The following SLC6A18 variants were observed in gnomAD, a reference collection of about 807,000 sequenced individuals.
The protein encoded by SLC6A18 is solute carrier family 6 member 18, also known as inactive sodium-dependent neutral amino acid transporter B(0)AT3.
Under a neutral mutation model 62.9 loss-of-function variants are expected in SLC6A18, and 58 were observed. That is an observed-to-expected ratio of 0.92 (90% CI 0.75 to 1.15). SLC6A18 has a LOEUF of 1.15. SLC6A18 is among the 50% of genes most tolerant of loss of function. The pLI is 0.00. For synonymous variants in SLC6A18, 382 were observed against 365.8 expected (o/e 1.04, Z -0.51); for missense variants, 793 against 836.6 (o/e 0.95, Z 0.64).
chr5:1,245,868 G>A lies in SLC6A18; in HGVS notation c.1677G>A (p.Gln559=), dbSNP rs1242901504. 6.2e-7 allele frequency: 1 copy of A among 1,607,790 alleles called. No individual in the cohort carries two copies. Among genetic ancestry groups the A allele is most frequent in the Non-Finnish European group, 8.5e-7 (1 of 1,178,446 alleles). The change falls in exon 12 of 12, where the codon CAG becomes CAA. Residue 559 remains glutamine (Q), a synonymous_variant. Coordinates refer to ENST00000324642, the MANE Select transcript of SLC6A18 (RefSeq NM_182632.3). The stretch of plus-strand genomic sequence containing the variant: ...CGCAGGAGCTGTTCCCCTCGCGTCA[G>A]GAGAAGCTCTACCCGGGCTGGGCGC... ...NPKYELFPSR[Q]EKLYPGWARA...
intron 1 of SLC6A18, among the ~76,000 whole-genome samples, chr5:1,227,255 A>G (rs1746609045): frequency 1.3e-5 from 2 of 152,192 alleles, no homozygotes; most frequent in South Asian, 4.2e-4. Flanking sequence ...GCCTCCCTTA[A>G]ACTCAGCTGC....
chr5:1,244,314 C>G lies in SLC6A18; in HGVS notation c.1437C>G (p.Asn479Lys). 6.2e-7 allele frequency: 1 copy of G among 1,614,134 alleles called. No individual in the cohort carries two copies. The highest frequency in any genetic ancestry group is 8.5e-7 in the Non-Finnish European group (1 of 1,180,016). The stretch of plus-strand genomic sequence containing the variant: ...TCGACAATTTTGCCGCTTCCCCGAA[C>G]CTGCTCATGTTGGCCTTTCTCGAGG... ...EIFDNFAASP[N>K]LLMLAFLEVV... The change falls in exon 10 of 12, where the codon AAC becomes AAG. Residue 479 changes from asparagine (N) to lysine (K), a missense_variant. Transcript: ENST00000324642.
intron 1 of SLC6A18, 79 bp from the exon 2 acceptor site, chr5:1,232,140 A>G (rs1273913958): frequency 3.0e-6 from 4 of 1,328,308 alleles, no homozygotes; most frequent in Non-Finnish European, 3.2e-6. Context: ...TGAAGACCAC[A>G]GGTGGCTCCC....
rs750614407 is a variant in SLC6A18 at position 1,241,366 on chromosome 5, G to C, written c.974+707G>C. Among the ~76,000 whole-genome samples the C allele has an allele frequency of 3.6e-4, 55 of 152,214 alleles. No individual in the cohort carries two copies. The highest frequency in any genetic ancestry group is 5.6e-4 in the Non-Finnish European group (38 of 68,034). On this transcript the variant is annotated intron_variant, in intron 7 of 11. Coordinates refer to ENST00000324642, the MANE Select transcript of SLC6A18 (RefSeq NM_182632.3). This position sits in a 1 kb window ranked among gnomAD's most constrained non-coding sequence, Gnocchi z 7.8. ...CAGGGTACATCTGGCAGTATATGGA[G>C]ACATTTTTGATTGGCCACACTTGTG...
chr5:1,244,176 A>ACCCCCC, intron 9 of SLC6A18, 38 bp from the exon 10 acceptor site: 4 of 297,846 alleles, frequency 1.3e-5, no homozygotes, highest in South Asian at 7.2e-5. Context: ...TCCACTCCCC[A>ACCCCCC]TCCCCTTACC....
At chr5:1,233,568 G>A (rs1438375922) in intron 3 of SLC6A18, among the ~76,000 whole-genome samples, 3 of 150,024 alleles carry the variant, frequency 2.0e-5, no homozygotes, top group African/African-American at 7.4e-5. Flanking sequence ...AGACATGAAT[G>A]ACAGTTATAT....
At chr5:1,229,172 C>G (rs1017770865) in intron 1 of SLC6A18, among the ~76,000 whole-genome samples, 1 of 152,052 alleles carries the variant, frequency 6.6e-6, no homozygotes, top group African/African-American at 2.4e-5. Context: ...ACCACAGAGT[C>G]GACGTTCCTG....
At chr5:1,239,652 G>C in intron 6 of SLC6A18, 90 bp downstream of exon 6, 4 of 1,039,600 alleles carry the variant, frequency 3.8e-6, no homozygotes, top group Non-Finnish European at 5.9e-6. Flanking sequence ...GTGGATCCAA[G>C]GGTGGCCTTG....
Position 1,244,716 on chromosome 5 carries a change from C to A in SLC6A18, c.1605C>A (p.Ile535=), listed in dbSNP as rs1476866846. The part of the protein sequence containing the change: ...PLLLTIFVAY[I]ILLFWKPLRY... ...TGCTGACCATCTTTGTGGCTTACATCATCCTCCTGTTCTGGAAGCCACTGA... is the reference window on the plus strand; with the variant it reads ...TGCTGACCATCTTTGTGGCTTACATAATCCTCCTGTTCTGGAAGCCACTGA... The change falls in exon 11 of 12, where the codon ATC becomes ATA. Residue 535 remains isoleucine, a synonymous_variant. Transcript: ENST00000324642. 1.9e-6 allele frequency: 3 copies of A among 1,613,070 alleles called. No homozygotes were observed. The South Asian group carries it at 3.3e-5, about 18-fold the overall frequency.
At chr5:1,232,173 C>A (rs776051891) in intron 1 of SLC6A18, 46 bp from the exon 2 acceptor site, 27 of 1,578,564 alleles carry the variant, frequency 1.7e-5, no homozygotes, top group Middle Eastern at 2.1e-4. Context: ...CACAGTCCCC[C>A]CCAGCCCCCG....
At chr5:1,237,756 C>T (rs1746921607) in intron 4 of SLC6A18, among the ~76,000 whole-genome samples, 194 bp from the exon 5 acceptor site, 1 of 152,178 alleles carries the variant, frequency 6.6e-6, no homozygotes, top group South Asian at 2.1e-4. Flanking sequence ...TGGTGAGCCC[C>T]AAACCCTCCG....
At chr5:1,229,888 C>A (rs1342868558) in intron 1 of SLC6A18, among the ~76,000 whole-genome samples, 1 of 102,146 alleles carries the variant, frequency 9.8e-6, no homozygotes, top group African/African-American at 3.6e-5. Flanking sequence ...GCTCTCACAG[C>A]GCAGGCTAAA....
At chr5:1,227,132 T>C (rs35459011) in intron 1 of SLC6A18, among the ~76,000 whole-genome samples, 80,505 of 142,370 alleles carry the variant, frequency 0.57, 22,463 homozygotes, top group Middle Eastern at 0.62. Flanking sequence ...TGCCCGTCGA[T>C]GCCTTGCCCG....
At chr5:1,233,092 T>G (rs770953395) in intron 3 of SLC6A18, among the ~76,000 whole-genome samples, 57 of 152,258 alleles carry the variant, frequency 3.7e-4, no homozygotes, top group Non-Finnish European at 7.9e-4. Flanking sequence ...ACCTCCACGC[T>G]GTGCTGTGCT....
chr5:1,240,937 G>A (rs1367657799), intron 7 of SLC6A18, among the ~76,000 whole-genome samples: 2 of 152,174 alleles, frequency 1.3e-5, no homozygotes, highest in African/African-American at 2.4e-5. Flanking sequence ...AAGAAGAGGA[G>A]ACAGACACAG....
intron 7 of SLC6A18, 47 bp downstream of exon 7, chr5:1,240,706 C>A: frequency 6.2e-7 from 1 of 1,606,436 alleles, no homozygotes; most frequent in Non-Finnish European, 8.5e-7. Context: ...AGCCGCCAGA[C>A]AGGTGCCTGC....
chr5:1,245,914 T>G lies in SLC6A18; in HGVS notation c.1723T>G (p.Ser575Ala). The part of the protein sequence containing the change: ...GWARAACVLL[S>A]LLPVLWVPVA... ...GGCGCGCGCCGCCTGTGTGCTGCTGTCCTTGCTGCCCGTGCTGTGGGTCCC... is the reference window on the plus strand; with the variant it reads ...GGCGCGCGCCGCCTGTGTGCTGCTGGCCTTGCTGCCCGTGCTGTGGGTCCC... Residue 575 changes from serine to alanine, a missense_variant, in exon 12 of 12, where the codon TCC becomes GCC. Physicochemically the swap from Ser to Ala is moderately conservative, Grantham distance 99. Transcript: ENST00000324642. The G allele has an allele frequency of 6.2e-7, 1 of 1,606,938 alleles. No homozygotes were observed. Among genetic ancestry groups the G allele is most frequent in the Non-Finnish European group, 8.5e-7 (1 of 1,179,540 alleles).
At chr5:1,231,982 C>G (rs936607125) in intron 1 of SLC6A18, among the ~76,000 whole-genome samples, 3 of 152,238 alleles carry the variant, frequency 2.0e-5, no homozygotes, top group African/African-American at 7.2e-5. Flanking sequence ...TTTTGGGCCC[C>G]CTGCTCCCCT....
At chr5:1,238,940 C>T (rs1388594189) in intron 5 of SLC6A18, among the ~76,000 whole-genome samples, 1 of 152,212 alleles carries the variant, frequency 6.6e-6, no homozygotes, top group Non-Finnish European at 1.5e-5. Flanking sequence ...GCACTCCCTG[C>T]CCAGCATCCC....
Sources: allele counts gnomAD v4.1 joint callset (sites outside exome capture counted in the v4.1 genomes callset), GRCh38; gene constraint gnomAD v4.1.1; non-coding constraint Gnocchi (gnomAD v3.1); transcripts MANE v1.5; gene names NCBI Gene and HGNC (gene_info 2026-07-23, HGNC 2026-07-21).